KIF26B: variants seen among roughly 807,000 people sequenced by gnomAD.
The protein encoded by KIF26B is kinesin family member 26B, also known as kinesin-like protein KIF26B.
In KIF26B, 63 loss-of-function variants were observed where a neutral mutation model predicts 151.2. The ratio of observed to expected loss-of-function variants is 0.42; its 90% CI spans 0.34 to 0.51. The LOEUF is 0.51. KIF26B is among the 20% of genes least tolerant of loss of function. The pLI is 0.07. For synonymous variants in KIF26B, 1,357 were observed against 1,262.1 expected, an observed-to-expected ratio of 1.08 and a Z score of -1.59; for missense variants, 2,813 against 2,913.6, an observed-to-expected ratio of 0.97 and a Z score of 0.79.
chr1:245,155,589 C>T (rs1233744679), intron 1 of KIF26B, 102 bp downstream of exon 1: 8 of 1,064,130 alleles, frequency 7.5e-6, no homozygotes, highest in Non-Finnish European at 1.1e-5. Flanking sequence ...AGCTCTCCCC[C>T]GCTGCAGAGG....
chr1:245,411,858 C>G (rs1674294796), intron 3 of KIF26B, among the ~76,000 whole-genome samples: 2 of 152,122 alleles, frequency 1.3e-5, no homozygotes, highest in South Asian at 4.2e-4. Context: ...TGGACTCTAT[C>G]ACTGCATCGT....
chr1:245,312,075 C>A (rs1213680332), intron 2 of KIF26B, among the ~76,000 whole-genome samples: 1 of 152,206 alleles, frequency 6.6e-6, no homozygotes, highest in African/African-American at 2.4e-5. Flanking sequence ...CAGCATCTGA[C>A]TGCACAGCTG....
chr1:245,490,504 G>T (rs1288344622), intron 4 of KIF26B, among the ~76,000 whole-genome samples: 1 of 151,870 alleles, frequency 6.6e-6, no homozygotes, highest in Non-Finnish European at 1.5e-5. Flanking sequence ...CTAGAGACAG[G>T]GTTTCACCAT....
At chr1:245,330,268 G>A (rs1672072667) in intron 2 of KIF26B, among the ~76,000 whole-genome samples, 1 of 148,852 alleles carries the variant, frequency 6.7e-6, no homozygotes, top group East Asian at 2.0e-4. Context: ...GGGCTGCAGA[G>A]CGTGTGGGCT....
At chr1:245,292,746 G>T (rs1235109387) in intron 2 of KIF26B, among the ~76,000 whole-genome samples, 1 of 152,150 alleles carries the variant, frequency 6.6e-6, no homozygotes, top group Non-Finnish European at 1.5e-5. Context: ...GCAGATCACT[G>T]TCAGTGGAGT....
At chr1:245,338,902 T>C (rs1232969347) in intron 2 of KIF26B, among the ~76,000 whole-genome samples, 1 of 152,118 alleles carries the variant, frequency 6.6e-6, no homozygotes, top group Middle Eastern at 3.2e-3. Flanking sequence ...ACATAGGGTC[T>C]TGTGGGATAT....
chr1:245,287,557 G>A (rs192325265), intron 2 of KIF26B, among the ~76,000 whole-genome samples: 1 of 146,598 alleles, frequency 6.8e-6, no homozygotes, highest in Non-Finnish European at 1.5e-5. Context: ...AGACTGGAGT[G>A]CAATGGCACG....
chr1:245,402,041 G>A (rs1674014820), intron 3 of KIF26B, among the ~76,000 whole-genome samples: 1 of 152,196 alleles, frequency 6.6e-6, no homozygotes, highest in South Asian at 2.1e-4. Flanking sequence ...TGGGTAAGGA[G>A]GATTGAGGCT....
chr1:245,157,813 A>G (rs1668471454), intron 2 of KIF26B, among the ~76,000 whole-genome samples: 2 of 152,178 alleles, frequency 1.3e-5, no homozygotes, highest in Admixed American at 1.3e-4. Context: ...CAAAAAGCTT[A>G]TTTCGCTCTT....
At position 245,199,704 on chromosome 1, in the gene KIF26B, A is replaced by G. The variant is rs560490469; in HGVS notation, c.465+43021A>G. Among the ~76,000 whole-genome samples, 283 of 152,250 alleles carry G rather than the reference A, an allele frequency of 1.9e-3. 1 individual carries two copies. The highest frequency in any genetic ancestry group is 6.5e-3 in the African/African-American group (271 of 41,540). On this transcript the variant is annotated intron_variant, in intron 2 of 14. Transcript: ENST00000407071. ...CACCATGTTGGCCAGGCTTGGTCGC[A>G]AACTCCTGGCCTTAAGAAATCTGTC...
intron 2 of KIF26B, among the ~76,000 whole-genome samples, chr1:245,291,735 G>A (rs1671255606): frequency 6.6e-6 from 1 of 152,204 alleles, no homozygotes; most frequent in Non-Finnish European, 1.5e-5. Flanking sequence ...CCTTGTTGAG[G>A]ACCTGGCATT....
At chr1:245,580,904 T>A (rs1340199684) in intron 5 of KIF26B, among the ~76,000 whole-genome samples, 1 of 152,216 alleles carries the variant, frequency 6.6e-6, no homozygotes, top group East Asian at 1.9e-4. Flanking sequence ...AAGCTAAAGG[T>A]GATTTCCAGT....
chr1:245,452,019 A>G (rs553410401), intron 4 of KIF26B, among the ~76,000 whole-genome samples: 1 of 152,360 alleles, frequency 6.6e-6, no homozygotes, highest in African/African-American at 2.4e-5. Flanking sequence ...ACATTGTTGT[A>G]GAACTATCAC....
chr1:245,525,691 G>T (rs1279852529), intron 4 of KIF26B, among the ~76,000 whole-genome samples: 1 of 152,162 alleles, frequency 6.6e-6, no homozygotes, highest in Admixed American at 6.5e-5. Flanking sequence ...GACGCAGCTG[G>T]ATGGCTCTGA....
intron 2 of KIF26B, among the ~76,000 whole-genome samples, chr1:245,255,570 C>G (rs967423517): frequency 2.6e-5 from 4 of 152,206 alleles, no homozygotes; most frequent in Non-Finnish European, 5.9e-5. Flanking sequence ...TACGATTACA[C>G]AGCCCTTTAC....
At chr1:245,533,636 CT>C (rs1233244470) in intron 4 of KIF26B, among the ~76,000 whole-genome samples, 1 of 152,050 alleles carries the variant, frequency 6.6e-6, no homozygotes, top group Non-Finnish European at 1.5e-5. Flanking sequence ...TAAAAGATTG[CT>C]AGGTCAATAT....
intron 2 of KIF26B, among the ~76,000 whole-genome samples, chr1:245,364,398 T>C (rs889483301): frequency 6.7e-6 from 1 of 150,362 alleles, no homozygotes; most frequent in African/African-American, 2.5e-5. Flanking sequence ...TGTGCAGACA[T>C]GACTTCTCAC....
chr1:245,399,718 A>G (rs1673946708), intron 3 of KIF26B, among the ~76,000 whole-genome samples: 1 of 152,204 alleles, frequency 6.6e-6, no homozygotes, highest in Non-Finnish European at 1.5e-5. Flanking sequence ...AGCTTGGTAA[A>G]GGGTATGTTC....
chr1:245,499,378 T>A (rs1299363413), intron 4 of KIF26B, among the ~76,000 whole-genome samples: 2 of 152,188 alleles, frequency 1.3e-5, no homozygotes, highest in Non-Finnish European at 2.9e-5. Context: ...CGCAGGTGAT[T>A]TAGCCAAGGC....
Sources: gnomAD v4.1 joint callset for allele counts (sites outside exome capture counted in the v4.1 genomes callset) on GRCh38, gnomAD v4.1.1 for gene constraint, MANE v1.5 for transcripts, NCBI Gene and HGNC (gene_info 2026-07-23, HGNC 2026-07-21) for gene names.